Variants in ADGRB1 observed in about 807,000 individuals in gnomAD.
ADGRB1 encodes the protein brain-specific angiogenesis inhibitor 1.
Under a neutral mutation model 175.7 loss-of-function variants are expected in ADGRB1, and 36 were observed. That is an observed-to-expected ratio of 0.20 (90% CI 0.16 to 0.27). The LOEUF is 0.27. Among genes scored for constraint, ADGRB1 ranks in the 10% least tolerant of loss-of-function variants. The pLI, the probability that ADGRB1 is intolerant of heterozygous loss-of-function variation, is 1.00. For missense variants in ADGRB1, 1,731 were observed against 2,255.3 expected, an observed-to-expected ratio of 0.77 and a Z score of 4.71; for synonymous variants, 1,054 against 979.4, an observed-to-expected ratio of 1.08 and a Z score of -1.42.
chr8:142,528,292 C>A (rs1249093626), intron 24 of ADGRB1, among the ~76,000 whole-genome samples: 1 of 152,190 alleles, frequency 6.6e-6, no homozygotes, highest in Non-Finnish European at 1.5e-5. Flanking sequence ...CAGGGTCCAC[C>A]CTCAGCTGAG....
At chr8:142,518,287 A>G (rs1201517392) in intron 19 of ADGRB1, 46 bp downstream of exon 19, 1 of 1,594,350 alleles carries the variant, frequency 6.3e-7, no homozygotes, top group East Asian at 2.2e-5. Context: ...TGGCTCCTGC[A>G]TCACACGCCT....
chr8:142,471,400 A>G (rs1840653302), intron 2 of ADGRB1, among the ~76,000 whole-genome samples: 1 of 152,164 alleles, frequency 6.6e-6, no homozygotes, highest in South Asian at 2.1e-4. Context: ...GCAGCAGACA[A>G]CCGGGGTCGG....
chr8:142,536,919 A>C (rs551504534), intron 25 of ADGRB1, 68 bp from the exon 26 acceptor site: 2 of 1,374,708 alleles, frequency 1.5e-6, no homozygotes, highest in African/African-American at 3.0e-5. Flanking sequence ...GGTGCTGCTC[A>C]TCTGATCTGG....
At chr8:142,502,055 C>T (rs1165565394) in intron 17 of ADGRB1, among the ~76,000 whole-genome samples, 11 of 21,334 alleles carry the variant, frequency 5.2e-4, no homozygotes, top group Admixed American at 1.6e-3. Context: ...TGATGGTGGT[C>T]GGGGTGGGGG....
Position 142,475,605 on chromosome 8 carries a change from G to T in ADGRB1, c.916G>T (p.Gly306Cys), listed in dbSNP as rs1419970069. Reference protein sequence around the residue: ...GGGCEGVLEEGRQCNREACGP... With the variant: ...GGGCEGVLEECRQCNREACGP... ...CGGCTGCGAGGGGGTGCTGGAGGAG[G>T]GTCGCCAGTGCAACCGCGAGGCCTG... Residue 306 changes from glycine to cysteine, a missense_variant, in exon 3 of 31, where the codon GGT becomes TGT. Around this residue, in one of 8 missense-constraint regions of ADGRB1, gnomAD observed 178 missense variants for 227.8 expected, o/e 0.78. Coordinates refer to ENST00000517894, the MANE Select transcript of ADGRB1 (RefSeq NM_001702.3). The T allele has an allele frequency of 8.1e-7, 1 of 1,237,970 alleles. No individual in the cohort carries two copies. The highest frequency in any genetic ancestry group is 1.0e-6 in the Non-Finnish European group (1 of 990,990). 76.7% of individuals were successfully genotyped at this position (1,237,970 alleles called of 1,614,324 possible).
chr8:142,500,618 C>T (rs1054545490), intron 17 of ADGRB1, among the ~76,000 whole-genome samples: 1 of 151,990 alleles, frequency 6.6e-6, no homozygotes, highest in Non-Finnish European at 1.5e-5. Context: ...AAGGCTTCAT[C>T]AAAGCCCCAC....
intron 24 of ADGRB1, among the ~76,000 whole-genome samples, chr8:142,527,772 T>G (rs1302293392): frequency 6.6e-6 from 1 of 152,124 alleles, no homozygotes; most frequent in Admixed American, 6.5e-5. Context: ...AGCAGTGATC[T>G]CAGGGGCTCA....
intron 18 of ADGRB1, among the ~76,000 whole-genome samples, chr8:142,512,566 G>C (rs753777810): frequency 9.8e-5 from 15 of 152,314 alleles, no homozygotes; most frequent in South Asian, 2.1e-4. Context: ...GCCTGCAGCA[G>C]GTCAGTGTTG....
Position 142,479,338 on chromosome 8 carries a change from A to G in ADGRB1, c.1577A>G (p.Gln526Arg). 2.6e-6 allele frequency: 4 copies of G among 1,516,908 alleles called. No individual in the cohort carries two copies. The highest frequency in any genetic ancestry group is 3.5e-6 in the Non-Finnish European group (4 of 1,136,834). 94.0% of individuals were successfully genotyped at this position (1,516,908 alleles called of 1,614,324 possible). The change falls in exon 8 of 31, where the codon CAG becomes CGG. Residue 526 changes from glutamine to arginine, a missense_variant. Physicochemically the swap from Gln to Arg is conservative, Grantham distance 43. Coordinates refer to ENST00000517894, the MANE Select transcript of ADGRB1 (RefSeq NM_001702.3). Reference protein sequence around the residue: ...LQQCPVDGKWQAWASWGSCSV... With the variant: ...LQQCPVDGKWRAWASWGSCSV... ...CGCCCCGCAGTGGATGGCAAGTGGC[A>G]GGCCTGGGCGTCATGGGGCAGTTGC...
At chr8:142,469,277 G>T (rs1191093728) in intron 2 of ADGRB1, among the ~76,000 whole-genome samples, 1 of 149,972 alleles carries the variant, frequency 6.7e-6, no homozygotes, top group Non-Finnish European at 1.5e-5. Context: ...GCACGTGCAG[G>T]TGAGTGAATG....
intron 21 of ADGRB1, 52 bp from the exon 22 acceptor site, chr8:142,522,589 G>A: frequency 1.3e-6 from 2 of 1,498,952 alleles, no homozygotes; most frequent in East Asian, 2.5e-5. Context: ...GGAGGTGGAG[G>A]CTGGCTGGGG....
At chr8:142,477,680 C>T (rs1452486618) in intron 6 of ADGRB1, 131 bp downstream of exon 6, 1 of 1,255,842 alleles carries the variant, frequency 8.0e-7, no homozygotes, top group Non-Finnish European at 1.1e-6. Context: ...GAGGTTGGAA[C>T]CTCAGACTGG....
chr8:142,483,829 C>T, intron 11 of ADGRB1, 148 bp from the exon 12 acceptor site: 1 of 817,006 alleles, frequency 1.2e-6, no homozygotes, highest in South Asian at 1.5e-5. Flanking sequence ...TCACAGTGAG[C>T]TCTGACCCTG....
chr8:142,506,187 A>C (rs761336639), intron 17 of ADGRB1, among the ~76,000 whole-genome samples: 24 of 152,210 alleles, frequency 1.6e-4, no homozygotes, highest in Non-Finnish European at 3.4e-4. Context: ...CGACCTTGGC[A>C]GGAGCCGAGT....
rs150093925 is a variant in ADGRB1, at chr8:142,507,636, G to A, written c.2676-3296G>A. Among the ~76,000 whole-genome samples, 906 of 152,322 alleles carry A rather than the reference G, an allele frequency of 5.9e-3. 5 individuals are homozygous for A. The highest frequency in any genetic ancestry group is 9.9e-3 in the Non-Finnish European group (676 of 68,018). ...AGTGGTGGACAGCTGTCGGCCTGGC[G>A]CCCTGCAGACTGGCCAGTGCGGCTG... is the stretch of plus-strand genomic sequence containing the variant. On this transcript the variant is annotated intron_variant, in intron 17 of 30. Coordinates refer to ENST00000517894, the MANE Select transcript of ADGRB1 (RefSeq NM_001702.3).
chr8:142,459,302 G>T (rs1181963212), intron 1 of ADGRB1, among the ~76,000 whole-genome samples: 1 of 152,144 alleles, frequency 6.6e-6, no homozygotes, highest in South Asian at 2.1e-4. Context: ...GCTCCCAGGG[G>T]ATCCTCCCAA....
In ADGRB1 at chr8:142,543,693, G is replaced by A. The variant is rs1377890515; in HGVS notation, c.4542G>A (p.Leu1514=). 7.7e-6 allele frequency: 12 copies of A among 1,557,990 alleles called. No individual in the cohort carries two copies. The highest frequency in any genetic ancestry group is 1.2e-5 in the South Asian group (1 of 84,448). The change falls in exon 30 of 31, where the codon CTG becomes CTA. Residue 1514 remains leucine, a synonymous_variant. Coordinates refer to ENST00000517894, the MANE Select transcript of ADGRB1 (RefSeq NM_001702.3). The surrounding 1 kb of genome is among the most constrained non-coding windows in gnomAD (Gnocchi z 4.4). ...CAGCGGAGAAGGACAAGGAGGTGCT[G>A]GGGCCGGACAGCAAGGTCTGGAGGG... is the stretch of plus-strand genomic sequence containing the variant. ...QHAAEKDKEV[L]GPDSKPEKQQ...
intron 18 of ADGRB1, among the ~76,000 whole-genome samples, chr8:142,513,204 G>A (rs1843200137): frequency 6.6e-6 from 1 of 152,200 alleles, no homozygotes; most frequent in Non-Finnish European, 1.5e-5. Context: ...AGGGCGGGCT[G>A]CCTGGACCCT....
intron 2 of ADGRB1, among the ~76,000 whole-genome samples, chr8:142,468,707 G>C (rs1251788024): frequency 6.6e-6 from 1 of 152,218 alleles, no homozygotes; most frequent in Non-Finnish European, 1.5e-5. Flanking sequence ...CCGCCTTCCA[G>C]TCCTCACGCA....
Sources: gnomAD v4.1 joint callset for allele counts (sites outside exome capture counted in the v4.1 genomes callset) on GRCh38, gnomAD v4.1.1 for gene constraint, gnomAD v4.1.1 regional missense constraint, Gnocchi (gnomAD v3.1) non-coding constraint, MANE v1.5 for transcripts, NCBI Gene and HGNC (gene_info 2026-07-23, HGNC 2026-07-21) for gene names.